Variants in ZNF385B observed in about 807,000 individuals in gnomAD.
The protein encoded by ZNF385B is zinc finger protein 385B, also known as zinc finger protein 533.
ZNF385B carries 23 observed loss-of-function variants against 39.2 expected under a neutral mutation model. The ratio of observed to expected loss-of-function variants is 0.59; its 90% CI spans 0.42 to 0.83. The LOEUF (loss-of-function observed/expected upper bound fraction) is 0.83, where lower values mean the gene tolerates loss of function less well. Ranked by LOEUF, ZNF385B falls within the 40% of genes least tolerant of loss-of-function variation. The pLI, the probability that ZNF385B is intolerant of heterozygous loss-of-function variation, is 0.00. For synonymous variants in ZNF385B, 205 were observed against 222.6 expected, an observed-to-expected ratio of 0.92 and a Z score of 0.70; for missense variants, 552 against 598.9, an observed-to-expected ratio of 0.92 and a Z score of 0.82.
At chr2:179,473,970 A>C (rs1390524045) in intron 6 of ZNF385B, among the ~76,000 whole-genome samples, 1 of 152,232 alleles carries the variant, frequency 6.6e-6, no homozygotes, top group Non-Finnish European at 1.5e-5. Flanking sequence ...ATATGAGTTC[A>C]GTGAGAGGCA....
intron 3 of ZNF385B, among the ~76,000 whole-genome samples, chr2:179,596,672 T>C (rs1008974296): frequency 1.3e-4 from 20 of 152,224 alleles, no homozygotes; most frequent in African/African-American, 4.8e-4. Context: ...AGCAAAGAGT[T>C]GTACAACCAC....
intron 3 of ZNF385B, among the ~76,000 whole-genome samples, chr2:179,704,335 A>C (rs1054164883): frequency 6.6e-5 from 10 of 152,234 alleles, no homozygotes; most frequent in South Asian, 6.2e-4. Flanking sequence ...AAGTCTGTAA[A>C]GACATATAGA....
In ZNF385B at chr2:179,627,952, T is replaced by C. The variant is rs1575025416; in HGVS notation, c.299-82983A>G. On this transcript the variant is annotated intron_variant, in intron 3 of 9. Coordinates refer to ENST00000410066, the MANE Select transcript of ZNF385B (RefSeq NM_152520.6). ...AGTTATCTAAAAGTAGTTACAATAA[T>C]AGAAATCCTCATGCCTCTGTTATCG... 3.3e-5 allele frequency among the ~76,000 whole-genome samples: 5 copies of C among 152,286 alleles called. No individual in the cohort carries two copies. The Middle Eastern group carries it at 0.01, about 311-fold the overall frequency.
At chr2:179,679,698 G>A (rs1697338673) in intron 3 of ZNF385B, among the ~76,000 whole-genome samples, 1 of 152,088 alleles carries the variant, frequency 6.6e-6, no homozygotes, top group Admixed American at 6.6e-5. Context: ...TTCGACCCAT[G>A]GCGGGGTCAC....
At chr2:179,546,541 C>T (rs949406039) in intron 3 of ZNF385B, among the ~76,000 whole-genome samples, 41 of 152,312 alleles carry the variant, frequency 2.7e-4, no homozygotes, top group African/African-American at 9.4e-4. Flanking sequence ...CATGTTGTTA[C>T]AAATGCCAGG....
At chr2:179,755,546 ATTATTATTTTGTGGGAGTCTAAG>A (rs1702959522) in intron 3 of ZNF385B, among the ~76,000 whole-genome samples, 1 of 152,126 alleles carries the variant, frequency 6.6e-6, no homozygotes. Flanking sequence ...AAAGTCTCTC[ATTATTATTTTGTGGGAGTCTAAG>A]TCTCTTTGTA....
At chr2:179,646,799 T>C (rs1013100997) in intron 3 of ZNF385B, among the ~76,000 whole-genome samples, 4 of 152,226 alleles carry the variant, frequency 2.6e-5, no homozygotes, top group Admixed American at 1.3e-4. Context: ...TATGTGATTT[T>C]TGAATTTGCT....
At chr2:179,603,326 A>G (rs964905051) in intron 3 of ZNF385B, among the ~76,000 whole-genome samples, 3 of 152,208 alleles carry the variant, frequency 2.0e-5, no homozygotes, top group African/African-American at 7.2e-5. Context: ...CACAGGGCTT[A>G]GCAGAGTGCA....
intron 3 of ZNF385B, among the ~76,000 whole-genome samples, chr2:179,736,048 C>T (rs556067545): frequency 6.6e-6 from 1 of 151,954 alleles, no homozygotes; most frequent in South Asian, 2.1e-4. Flanking sequence ...AAGCCTGTTC[C>T]TTAAATATAC....
intron 3 of ZNF385B, among the ~76,000 whole-genome samples, chr2:179,663,453 G>A: frequency 6.6e-6 from 1 of 152,110 alleles, no homozygotes; most frequent in East Asian, 1.9e-4. Flanking sequence ...GCTCACGCCT[G>A]TAATCCCAGC....
intron 3 of ZNF385B, among the ~76,000 whole-genome samples, chr2:179,565,338 G>A (rs1268420244): frequency 6.6e-6 from 1 of 152,140 alleles, no homozygotes; most frequent in Non-Finnish European, 1.5e-5. Flanking sequence ...ATCTCATGAG[G>A]AGCTCTGAAG....
chr2:179,843,799 G>A (rs1055539973), intron 1 of ZNF385B, among the ~76,000 whole-genome samples: 1 of 152,206 alleles, frequency 6.6e-6, no homozygotes, highest in Non-Finnish European at 1.5e-5. Flanking sequence ...TACAGGCAGG[G>A]CCTGGAGACT....
intron 5 of ZNF385B, among the ~76,000 whole-genome samples, chr2:179,494,298 G>C (rs1193254767): frequency 1.3e-5 from 2 of 152,108 alleles, no homozygotes; most frequent in Non-Finnish European, 1.5e-5. Context: ...TAAGTCAGAA[G>C]AGCAACCTTG....
intron 3 of ZNF385B, among the ~76,000 whole-genome samples, chr2:179,757,791 G>A (rs760167335): frequency 9.2e-5 from 14 of 152,238 alleles, no homozygotes; most frequent in East Asian, 1.9e-4. Context: ...CTGGTGTGCC[G>A]TTTGCTAAGA....
chr2:179,656,272 T>G (rs891526686), intron 3 of ZNF385B, among the ~76,000 whole-genome samples: 1 of 152,286 alleles, frequency 6.6e-6, no homozygotes, highest in East Asian at 1.9e-4. Context: ...GTTTTATGTA[T>G]ATTATTTTTA....
intron 4 of ZNF385B, among the ~76,000 whole-genome samples, chr2:179,530,846 G>T (rs2059208672): frequency 6.6e-6 from 1 of 152,176 alleles, no homozygotes; most frequent in Admixed American, 6.5e-5. Flanking sequence ...TAACAAATGT[G>T]CAGTGTTCTA....
intron 1 of ZNF385B, among the ~76,000 whole-genome samples, chr2:179,816,177 C>T (rs1443676512): frequency 6.6e-6 from 1 of 152,214 alleles, no homozygotes; most frequent in Non-Finnish European, 1.5e-5. Flanking sequence ...ATTCATCAAG[C>T]TGTTCGGCTA....
intron 3 of ZNF385B, among the ~76,000 whole-genome samples, chr2:179,640,196 G>A (rs1319087362): frequency 6.6e-6 from 1 of 152,110 alleles, no homozygotes; most frequent in Non-Finnish European, 1.5e-5. Flanking sequence ...TCCTAGGTTG[G>A]AAAACAATTA....
chr2:179,690,265 G>A (rs922129176), intron 3 of ZNF385B, among the ~76,000 whole-genome samples: 7 of 152,208 alleles, frequency 4.6e-5, no homozygotes, highest in Non-Finnish European at 8.8e-5. Context: ...TTGGGTTAGA[G>A]GATGCTTATT....
Sources: gnomAD v4.1 joint callset for allele counts (sites outside exome capture counted in the v4.1 genomes callset) on GRCh38, gnomAD v4.1.1 for gene constraint, MANE v1.5 for transcripts, NCBI Gene and HGNC (gene_info 2026-07-23, HGNC 2026-07-21) for gene names.